PDZD2: variants seen among roughly 807,000 people sequenced by gnomAD.
PDZD2 encodes PDZ domain-containing protein 2.
PDZD2 carries 90 observed loss-of-function variants against 220.7 expected under a neutral mutation model. The ratio of observed to expected loss-of-function variants is 0.41; its 90% CI spans 0.34 to 0.49. The LOEUF (loss-of-function observed/expected upper bound fraction) is 0.49. Ranked by LOEUF, PDZD2 falls within the 20% of genes least tolerant of loss-of-function variation. The pLI, the probability that PDZD2 is intolerant of heterozygous loss-of-function variation, is 0.28. For missense variants in PDZD2, 3,174 were observed against 3,608.5 expected (o/e 0.88, Z 3.08); for synonymous variants, 1,375 against 1,450.5 (o/e 0.95, Z 1.18).
Position 32,059,370 on chromosome 5 carries a change from C to T in PDZD2, c.2318+14C>T. On this transcript the variant is annotated intron_variant, in intron 13 of 24. Coordinates refer to ENST00000438447, the MANE Select transcript of PDZD2 (RefSeq NM_178140.4). ...GAGCAACCTGAGGTTTGTTGTTTGC[C>T]TGATAGTGTAAGGTTCTGGAGTGTT... The T allele has an allele frequency of 1.5e-6, 2 of 1,328,450 alleles. No homozygotes were observed. The highest frequency in any genetic ancestry group is 2.2e-6 in the Non-Finnish European group (2 of 919,312). The allele number at this position is 1,328,450 out of a possible 1,614,324, so 82.3% of individuals were successfully genotyped here. A position where few individuals can be genotyped will look rare whatever the true frequency, so the allele number is the denominator to read the frequency against.
chr5:31,983,035 A>C, intron 2 of PDZD2, 120 bp from the exon 3 acceptor site: 24 of 925,974 alleles, frequency 2.6e-5, no homozygotes, highest in Non-Finnish European at 3.6e-5. Flanking sequence ...TAGGAAGCTC[A>C]ATACCTCAGT....
intron 5 of PDZD2, among the ~76,000 whole-genome samples, chr5:32,002,894 A>AACACACACACC (rs56169899): frequency 0.97 from 90,930 of 93,750 alleles, 44,093 homozygotes; most frequent in Middle Eastern, 1. Context: ...CACACACACC[A>AACACACACACC]ACACACACCC....
chr5:32,058,340 C>G (rs542873061), intron 12 of PDZD2, among the ~76,000 whole-genome samples: 2 of 148,916 alleles, frequency 1.3e-5, no homozygotes, highest in African/African-American at 5.0e-5. Flanking sequence ...CCATGAATCA[C>G]TGTGGGTCAG....
Position 31,790,762 on chromosome 5 carries a change from G to A in PDZD2, c.-360-8127G>A, listed in dbSNP as rs553870367. On this transcript the variant is annotated intron_variant, in intron 1 of 24. Transcript: ENST00000438447. ...CGCTCAGGCCGGACTGCAGTGGCAC[G>A]ATCTCGGCTCACTGCAAGCTCCGCC... Among the ~76,000 whole-genome samples the A allele has an allele frequency of 1.8e-4, 23 of 130,934 alleles. No individual in the cohort carries two copies. The East Asian group carries it at 3.0e-3, about 17-fold the overall frequency. 85.9% of individuals were successfully genotyped at this position (130,934 alleles called of 152,430 possible).
At chr5:31,872,492 A>G (rs1289259292) in intron 2 of PDZD2, among the ~76,000 whole-genome samples, 1 of 152,006 alleles carries the variant, frequency 6.6e-6, no homozygotes, top group Non-Finnish European at 1.5e-5. Context: ...CTGGCTGAAG[A>G]AGTTTATCTT....
chr5:31,926,540 A>G lies in PDZD2; in HGVS notation c.477-56615A>G, dbSNP rs1293777696. Among the ~76,000 whole-genome samples the G allele has an allele frequency of 4.0e-5, 6 of 151,472 alleles. No individual in the cohort carries two copies. In the South Asian group the frequency reaches 1.3e-3, roughly 32 times the overall value. ...AAACTGCATCTGAAAAAAAAAAAAAAAAAAAGAAAATTAAAAGCTAAAAAA... is the reference window on the plus strand; with the variant it reads ...AAACTGCATCTGAAAAAAAAAAAAAGAAAAAGAAAATTAAAAGCTAAAAAA... On this transcript the variant is annotated intron_variant, in intron 2 of 24. Coordinates refer to ENST00000438447, the MANE Select transcript of PDZD2 (RefSeq NM_178140.4).
intron 2 of PDZD2, among the ~76,000 whole-genome samples, chr5:31,927,526 G>A (rs922288068): frequency 2.0e-5 from 3 of 152,124 alleles, no homozygotes; most frequent in Non-Finnish European, 2.9e-5. Flanking sequence ...TGGGATTACA[G>A]GTGCCTGCTA....
chr5:32,107,561 C>CAACA (rs1419943556), intron 24 of PDZD2: 3 of 153,664 alleles, frequency 2.0e-5, no homozygotes, highest in Non-Finnish European at 2.9e-5. Flanking sequence ...GTCTCAACAA[C>CAACA]AACAAAAAAA....
At chr5:31,740,806 C>T (rs1750213752) in intron 1 of PDZD2, among the ~76,000 whole-genome samples, 1 of 152,158 alleles carries the variant, frequency 6.6e-6, no homozygotes, top group Admixed American at 6.6e-5. Context: ...AGCATTGTTT[C>T]ATCCCTTCTT....
intron 5 of PDZD2, among the ~76,000 whole-genome samples, chr5:32,008,114 A>G (rs1324494406): frequency 3.3e-5 from 5 of 149,318 alleles, no homozygotes; most frequent in Non-Finnish European, 7.4e-5. Context: ...ACATAGCGAG[A>G]CCCCATCTCT....
rs751466325 is a variant in PDZD2, at chr5:32,087,833, C to A, written c.4385C>A (p.Ala1462Asp). ...QEGSAQGHPP[A>D]GAGGGSSCRA... is the part of the protein sequence containing the mutation. ...GGCAGTGCTCAGGGCCACCCACCAG[C>A]CGGGGCTGGAGGTGGGAGCTCCTGC... Residue 1462 changes from alanine to aspartate, a missense_variant, in exon 20 of 25, where the codon GCC (alanine) becomes GAC (aspartate). By Grantham distance (126) the Ala-to-Asp change is moderately radical. Transcript: ENST00000438447. The surrounding 1 kb of genome is among the most constrained non-coding windows in gnomAD (Gnocchi z 4.0). The A allele has an allele frequency of 1.4e-5, 22 of 1,611,864 alleles. No homozygotes were observed. The Admixed American group carries it at 3.2e-4, about 23-fold the overall frequency.
chr5:32,067,678 T>A (rs1388609623), intron 14 of PDZD2, among the ~76,000 whole-genome samples: 1 of 152,200 alleles, frequency 6.6e-6, no homozygotes, highest in Non-Finnish European at 1.5e-5. Context: ...AAGTTTTAAA[T>A]ACTCCTACCT....
chr5:31,713,406 C>G (rs1226658510), intron 1 of PDZD2, among the ~76,000 whole-genome samples: 2 of 152,212 alleles, frequency 1.3e-5, no homozygotes, highest in Admixed American at 6.5e-5. Flanking sequence ...TTTTCATCTG[C>G]ATACTAATTA....
At chr5:31,955,680 GTTC>G (rs1747603876) in intron 2 of PDZD2, among the ~76,000 whole-genome samples, 1 of 120,390 alleles carries the variant, frequency 8.3e-6, no homozygotes, top group South Asian at 2.8e-4. Context: ...TTTGGGCTCT[GTTC>G]TTTTTTTTTT....
intron 1 of PDZD2, among the ~76,000 whole-genome samples, chr5:31,676,202 C>G (rs776837881): frequency 1.3e-5 from 2 of 152,176 alleles, no homozygotes; most frequent in Non-Finnish European, 2.9e-5. Flanking sequence ...ATTCATTTAA[C>G]AAGAGCTCAT....
At chr5:31,661,799 T>C (rs201937641) in intron 1 of PDZD2, among the ~76,000 whole-genome samples, 16 of 147,220 alleles carry the variant, frequency 1.1e-4, no homozygotes, top group African/African-American at 2.2e-4. Context: ...TTTTTTTTTT[T>C]CTTTTTTTTT....
intron 2 of PDZD2, among the ~76,000 whole-genome samples, chr5:31,970,039 T>C (rs778664396): frequency 5.9e-5 from 9 of 151,884 alleles, no homozygotes; most frequent in Non-Finnish European, 1.3e-4. Flanking sequence ...GCTGGGATTA[T>C]AGGCATGCAC....
At chr5:31,772,721 TCAGTGCTGC>T (rs200338758) in intron 1 of PDZD2, among the ~76,000 whole-genome samples, 4,173 of 152,348 alleles carry the variant, frequency 0.027, 191 homozygotes, top group African/African-American at 0.096. Flanking sequence ...GACTTTGGAA[TCAGTGCTGC>T]CTTTTTATTT....
At chr5:31,727,288 T>C (rs1397943455) in intron 1 of PDZD2, among the ~76,000 whole-genome samples, 2 of 152,234 alleles carry the variant, frequency 1.3e-5, no homozygotes, top group African/African-American at 4.8e-5. Flanking sequence ...ACTGTATTTC[T>C]TCATCTTGGT....
Sources: allele counts gnomAD v4.1 joint callset (sites outside exome capture counted in the v4.1 genomes callset), GRCh38; gene constraint gnomAD v4.1.1; non-coding constraint Gnocchi (gnomAD v3.1); transcripts MANE v1.5; gene names NCBI Gene and HGNC (gene_info 2026-07-23, HGNC 2026-07-21).